Variants in COQ8A observed in about 807,000 individuals in gnomAD.
COQ8A encodes atypical kinase COQ8A, mitochondrial.
Under a neutral mutation model 65.0 loss-of-function variants are expected in COQ8A, and 51 were observed. The ratio of observed to expected loss-of-function variants is 0.78; its 90% CI spans 0.63 to 0.99. The LOEUF is 0.99. COQ8A is among the 50% of genes least tolerant of loss of function. The probability of loss-of-function intolerance (pLI) is 0.00; values close to 1 mark genes in which losing one functional copy is unlikely to be tolerated. For synonymous variants in COQ8A, 371 were observed against 353.2 expected (o/e 1.05, Z -0.57); for missense variants, 940 against 875.0 (o/e 1.07, Z -0.94).
chr1:226,977,461 G>A lies in COQ8A; in HGVS notation c.668G>A (p.Gly223Asp), dbSNP rs1356952562. Residue 223 changes from glycine (G) to aspartate (D), a missense_variant, in exon 5 of 15, where the codon GGC (glycine) becomes GAC (aspartate). Transcript: ENST00000366777. The part of the protein sequence containing the change: ...RLANFGGLAV[G>D]LGFGALAEVA... ...CTCCTCCTTGCAGGTCTGGCCGTGGGCCTGGGCTTCGGGGCACTGGCAGAG... is the reference window on the plus strand; with the variant it reads ...CTCCTCCTTGCAGGTCTGGCCGTGGACCTGGGCTTCGGGGCACTGGCAGAG... 6.4e-7 allele frequency: 1 copy of A among 1,565,154 alleles called. No individual in the cohort carries two copies. Among genetic ancestry groups the A allele is most frequent in the East Asian group, 2.3e-5 (1 of 42,948 alleles).
chr1:226,952,141 C>T (rs1233897977), intron 1 of COQ8A, among the ~76,000 whole-genome samples: 1 of 152,108 alleles, frequency 6.6e-6, no homozygotes, highest in Non-Finnish European at 1.5e-5. Flanking sequence ...GATTTTTTTC[C>T]CCACTGTCCC....
At position 226,982,669 on chromosome 1, in the gene COQ8A, G is replaced by A; in HGVS notation, c.854-9G>A. 6.2e-7 allele frequency: 1 copy of A among 1,612,852 alleles called. No individual in the cohort carries two copies. The highest frequency in any genetic ancestry group is 1.3e-5 in the African/African-American group (1 of 75,024). ...CAGGTTCGCCCTGTGTCATTCTCCTGCCTTCCAGATGATGCCTTTATCAAC... is the reference window on the plus strand; with the variant it reads ...CAGGTTCGCCCTGTGTCATTCTCCTACCTTCCAGATGATGCCTTTATCAAC... On this transcript the variant is annotated splice_polypyrimidine_tract_variant and intron_variant, in intron 6 of 14. Transcript: ENST00000366777.
intron 5 of COQ8A, 47 bp from the exon 6 acceptor site, chr1:226,981,980 C>A (rs751194009): frequency 3.7e-6 from 6 of 1,612,636 alleles, no homozygotes; most frequent in Admixed American, 1.7e-5. Context: ...CCATCCCACT[C>A]CCAGACCCCC....
intron 4 of COQ8A, among the ~76,000 whole-genome samples, chr1:226,971,926 G>A (rs569912243): frequency 6.6e-6 from 1 of 152,276 alleles, no homozygotes; most frequent in East Asian, 1.9e-4. Context: ...TTCAAATACT[G>A]TATCTGTACT....
chr1:226,970,263 T>C (rs572578005), intron 4 of COQ8A, among the ~76,000 whole-genome samples: 1 of 152,334 alleles, frequency 6.6e-6, no homozygotes, highest in East Asian at 1.9e-4. Flanking sequence ...CTCATGTGTG[T>C]CTTAACAAGG....
chr1:226,984,350 G>A, intron 11 of COQ8A, 115 bp downstream of exon 11: 8 of 1,497,058 alleles, frequency 5.3e-6, no homozygotes, highest in East Asian at 2.3e-5. Flanking sequence ...TGGGGGTGAG[G>A]GGCAGTGAAG....
chr1:226,948,635 G>A (rs571074843), intron 1 of COQ8A, among the ~76,000 whole-genome samples: 2 of 152,276 alleles, frequency 1.3e-5, no homozygotes, highest in South Asian at 2.1e-4. Context: ...GCAGTGGTTC[G>A]TGAATTCAGT....
Position 226,984,150 on chromosome 1 carries a change from G to A in COQ8A, c.1313G>A (p.Cys438Tyr), listed in dbSNP as rs1659914808. The A allele has an allele frequency of 2.5e-6, 4 of 1,613,760 alleles. No homozygotes were observed. In the African/African-American group the frequency reaches 5.3e-5, roughly 22 times the overall value. Residue 438 changes from cysteine (C) to tyrosine (Y), a missense_variant, in exon 11 of 15, where the codon TGC (cysteine) becomes TAC (tyrosine). Cys to Tyr is a radical substitution (Grantham distance 194). Transcript: ENST00000366777. ...FYVPEIVDELCSPHVLTTELV... is the reference protein window; with the variant it reads ...FYVPEIVDELYSPHVLTTELV... ...GTGCCTGAGATTGTGGATGAGCTCT[G>A]CAGCCCACATGTGCTGACCACAGAG...
At chr1:226,978,871 A>C (rs1659509418) in intron 5 of COQ8A, among the ~76,000 whole-genome samples, 1 of 105,906 alleles carries the variant, frequency 9.4e-6, no homozygotes, top group Non-Finnish European at 2.1e-5. Flanking sequence ...CACCTTACAC[A>C]CCCTCCACAC....
intron 5 of COQ8A, among the ~76,000 whole-genome samples, chr1:226,978,064 C>G (rs1214798234): frequency 3.7e-4 from 55 of 148,776 alleles, no homozygotes; most frequent in African/African-American, 1.3e-3. Context: ...CACCGAACAC[C>G]CGCACACCTT....
intron 1 of COQ8A, among the ~76,000 whole-genome samples, chr1:226,956,444 C>A (rs1657766384): frequency 7.7e-6 from 1 of 129,430 alleles, no homozygotes; most frequent in Non-Finnish European, 1.6e-5. Context: ...TCCCTGGCTG[C>A]CACTCTCCCT....
At chr1:226,947,340 T>C (rs1211405871) in intron 1 of COQ8A, among the ~76,000 whole-genome samples, 1 of 152,188 alleles carries the variant, frequency 6.6e-6, no homozygotes, top group Non-Finnish European at 1.5e-5. Flanking sequence ...TGATGAGCTT[T>C]AATTATCCTA....
At chr1:226,973,877 T>C (rs1558196784) in intron 4 of COQ8A, among the ~76,000 whole-genome samples, 1 of 152,230 alleles carries the variant, frequency 6.6e-6, no homozygotes, top group Admixed American at 6.5e-5. Context: ...TGCTGCTGTT[T>C]AGCTGTATCT....
At chr1:226,944,739 GAGAGAGAGAGTGAGA>G (rs1656912180) in intron 1 of COQ8A, among the ~76,000 whole-genome samples, 2 of 13,692 alleles carry the variant, frequency 1.5e-4, no homozygotes, top group Non-Finnish European at 2.9e-4. Flanking sequence ...GAGAGAGAGA[GAGAGAGAGAGTGAGA>G]GAGAGAGAGT....
At chr1:226,967,539 G>A (rs948350549) in intron 4 of COQ8A, among the ~76,000 whole-genome samples, 5 of 152,216 alleles carry the variant, frequency 3.3e-5, no homozygotes, top group Admixed American at 2.6e-4. Context: ...GGAGCACCAC[G>A]AAGTCCTGGC....
At chr1:226,986,069 G>A (rs1038836560) in intron 14 of COQ8A, among the ~76,000 whole-genome samples, 2 of 152,192 alleles carry the variant, frequency 1.3e-5, no homozygotes, top group African/African-American at 4.8e-5. Context: ...GCAGACACAC[G>A]GCTGCTGGGT....
intron 1 of COQ8A, among the ~76,000 whole-genome samples, chr1:226,952,665 G>T (rs1282237917): frequency 6.6e-6 from 1 of 152,172 alleles, no homozygotes; most frequent in Admixed American, 6.5e-5. Flanking sequence ...TCCCACCTTG[G>T]CCTTCCAAAG....
chr1:226,965,186 A>G lies in COQ8A; in HGVS notation c.364A>G (p.Ser122Gly), dbSNP rs770421539. ...SEGPAPAYVA[S>G]GPFREAGFPG... ...GGGCCCAGCTCCTGCCTACGTGGCC[A>G]GTGGACCCTTTAGAGAAGCCGGGTT... Residue 122 changes from serine to glycine, a missense_variant, in exon 3 of 15, where the codon AGT (serine) becomes GGT (glycine). Physicochemically the swap from Ser to Gly is moderately conservative, Grantham distance 56. Transcript: ENST00000366777. 9 of 1,613,722 alleles carry G rather than the reference A, an allele frequency of 5.6e-6. No individual in the cohort carries two copies. Among genetic ancestry groups the G allele is most frequent in the Non-Finnish European group, 7.6e-6 (9 of 1,180,016 alleles).
At chr1:226,947,477 T>C (rs1479793018) in intron 1 of COQ8A, among the ~76,000 whole-genome samples, 1 of 152,172 alleles carries the variant, frequency 6.6e-6, no homozygotes, top group Non-Finnish European at 1.5e-5. Flanking sequence ...CATTGAGATA[T>C]TAAACCTGAA....
Sources: gnomAD v4.1 joint callset for allele counts (sites outside exome capture counted in the v4.1 genomes callset) on GRCh38, gnomAD v4.1.1 for gene constraint, MANE v1.5 for transcripts, NCBI Gene and HGNC (gene_info 2026-07-23, HGNC 2026-07-21) for gene names.